Variants in SNTG1 observed in about 807,000 individuals in gnomAD.
SNTG1 encodes the protein syntrophin gamma 1.
A neutral mutation model predicts 74.7 loss-of-function variants in SNTG1; 39 were observed. That is an observed-to-expected ratio of 0.52 (90% CI 0.40 to 0.68). The LOEUF (loss-of-function observed/expected upper bound fraction) is 0.68, where lower values mean the gene tolerates loss of function less well. Among genes scored for constraint, SNTG1 ranks in the 30% least tolerant of loss-of-function variants. The probability of loss-of-function intolerance (pLI) is 0.00; values close to 1 mark genes in which losing one functional copy is unlikely to be tolerated. For synonymous variants in SNTG1, 254 were observed against 217.1 expected, an observed-to-expected ratio of 1.17 and a Z score of -1.49; for missense variants, 685 against 609.5, an observed-to-expected ratio of 1.12 and a Z score of -1.30.
chr8:50,075,773 G>A (rs1469307639), intron 1 of SNTG1, among the ~76,000 whole-genome samples: 2 of 152,156 alleles, frequency 1.3e-5, no homozygotes, highest in Non-Finnish European at 2.9e-5. Context: ...CCCCTGGGAG[G>A]AATGAACAAC....
intron 1 of SNTG1, among the ~76,000 whole-genome samples, chr8:49,930,638 C>G (rs1807493042): frequency 6.6e-6 from 1 of 151,916 alleles, no homozygotes; most frequent in African/African-American, 2.4e-5. Context: ...AAACCAGGAA[C>G]ACAGTAAGAA....
At chr8:50,643,971 G>T (rs998131130) in intron 13 of SNTG1, 10 of 152,224 alleles carry the variant, frequency 6.6e-5, no homozygotes, top group Non-Finnish European at 1.3e-4. Flanking sequence ...ACCATGGAAG[G>T]AGAGTAAAGG....
intron 11 of SNTG1, among the ~76,000 whole-genome samples, chr8:50,546,697 A>G (rs1178552568): frequency 2.0e-5 from 3 of 151,986 alleles, no homozygotes; most frequent in Non-Finnish European, 2.9e-5. Context: ...CCATGTCCCT[A>G]CAAAGGACAT....
intron 1 of SNTG1, among the ~76,000 whole-genome samples, chr8:50,094,167 C>T (rs2079844348): frequency 6.6e-6 from 1 of 151,784 alleles, no homozygotes; most frequent in African/African-American, 2.4e-5. Flanking sequence ...GCACTGAGGA[C>T]ACATCAACAC....
At chr8:50,163,007 G>A (rs1228072907) in intron 1 of SNTG1, among the ~76,000 whole-genome samples, 1 of 152,196 alleles carries the variant, frequency 6.6e-6, no homozygotes, top group African/African-American at 2.4e-5. Context: ...GGTGCCATGT[G>A]GCTGCTTCCA....
intron 1 of SNTG1, among the ~76,000 whole-genome samples, chr8:49,981,688 C>T (rs1812690957): frequency 6.6e-6 from 1 of 151,954 alleles, no homozygotes; most frequent in South Asian, 2.1e-4. Flanking sequence ...TTCAGGTGGT[C>T]AATAATTGTT....
chr8:50,180,928 A>T (rs1455889880), intron 2 of SNTG1, among the ~76,000 whole-genome samples: 3 of 151,614 alleles, frequency 2.0e-5, no homozygotes, highest in South Asian at 2.1e-4. Flanking sequence ...GCCTGGCTAA[A>T]TTTTTTTGTA....
At chr8:50,486,034 C>CT (rs1450383406) in intron 8 of SNTG1, among the ~76,000 whole-genome samples, 12 of 152,228 alleles carry the variant, frequency 7.9e-5, no homozygotes, top group African/African-American at 2.9e-4. Flanking sequence ...ATCTATATCT[C>CT]TGTTTTGGTT....
chr8:50,006,055 T>C (rs1815199585), intron 1 of SNTG1, among the ~76,000 whole-genome samples: 1 of 143,510 alleles, frequency 7.0e-6, no homozygotes, highest in Non-Finnish European at 1.5e-5. Context: ...CTCCGACTCC[T>C]GGGTTCAAGC....
At chr8:50,497,554 C>A (rs977033609) in intron 8 of SNTG1, among the ~76,000 whole-genome samples, 3 of 151,790 alleles carry the variant, frequency 2.0e-5, no homozygotes, top group Non-Finnish European at 4.4e-5. Context: ...TTCATAAATT[C>A]ATTCTAAGCC....
intron 1 of SNTG1, among the ~76,000 whole-genome samples, chr8:49,938,607 C>CTTTTCTTTTCTTTTCTTTTTTTCT (rs60669251): frequency 3.6e-5 from 1 of 27,876 alleles, no homozygotes; most frequent in African/African-American, 9.4e-5. Context: ...CTTTTCTTTT[C>CTTTTCTTTTCTTTTCTTTTTTTCT]TTTCTTTCTT....
rs542906005 is a variant in SNTG1 at position 50,233,596 on chromosome 8, T to A, written c.-28+60961T>A. ...TCAATTAAACACTAGCTTTGAAAAT[T>A]CTGTTAAGAAGATGAAAGACAAGCC... On this transcript the variant is annotated intron_variant, in intron 2 of 18. Coordinates refer to ENST00000642720, the MANE Select transcript of SNTG1 (RefSeq NM_018967.5). Among the ~76,000 whole-genome samples, 21 of 151,600 alleles carry A rather than the reference T, an allele frequency of 1.4e-4. No homozygotes were observed. The South Asian group carries it at 1.7e-3, about 12-fold the overall frequency.
At chr8:50,663,290 A>G (rs893148429) in intron 15 of SNTG1, among the ~76,000 whole-genome samples, 3 of 152,196 alleles carry the variant, frequency 2.0e-5, no homozygotes, top group African/African-American at 7.2e-5. Context: ...AATAAAGCAC[A>G]TGAACTTTAT....
chr8:50,061,887 T>C (rs1820504159), intron 1 of SNTG1, among the ~76,000 whole-genome samples: 1 of 152,196 alleles, frequency 6.6e-6, no homozygotes, highest in Admixed American at 6.5e-5. Flanking sequence ...ATGTGGTCAT[T>C]CTTGGTGAAT....
At chr8:50,353,887 A>G (rs555480694) in intron 2 of SNTG1, among the ~76,000 whole-genome samples, 2 of 152,334 alleles carry the variant, frequency 1.3e-5, no homozygotes, top group South Asian at 4.1e-4. Context: ...GCAACAAATC[A>G]CATGCTTCTA....
chr8:50,516,014 G>A (rs1437465475), intron 9 of SNTG1, among the ~76,000 whole-genome samples: 1 of 152,140 alleles, frequency 6.6e-6, no homozygotes, highest in East Asian at 1.9e-4. Flanking sequence ...ATGCCTCCCA[G>A]CAGAGGTCGA....
chr8:50,023,809 A>C (rs1040676903), intron 1 of SNTG1, among the ~76,000 whole-genome samples: 5 of 152,150 alleles, frequency 3.3e-5, no homozygotes, highest in African/African-American at 1.2e-4. Context: ...ATAATAACAA[A>C]AATGTCTCAG....
upstream of SNTG1, among the ~76,000 whole-genome samples, chr8:49,910,181 G>A (rs961700383): frequency 6.6e-6 from 1 of 152,178 alleles, no homozygotes; most frequent in African/African-American, 2.4e-5. Context: ...TCCCTGTAGT[G>A]TCAGAACAGG....
intron 13 of SNTG1, among the ~76,000 whole-genome samples, chr8:50,591,133 T>C (rs2094689278): frequency 6.6e-6 from 1 of 152,084 alleles, no homozygotes; most frequent in Non-Finnish European, 1.5e-5. Flanking sequence ...TTTATCTAAG[T>C]CAAAAATTAT....
Sources: allele counts gnomAD v4.1 joint callset (sites outside exome capture counted in the v4.1 genomes callset), GRCh38; gene constraint gnomAD v4.1.1; transcripts MANE v1.5; gene names NCBI Gene and HGNC (gene_info 2026-07-23, HGNC 2026-07-21).